The following SIN3B variants were observed in gnomAD, a reference collection of about 807,000 sequenced individuals.
The protein encoded by SIN3B is paired amphipathic helix protein Sin3b.
In SIN3B, 19 loss-of-function variants were observed where a neutral mutation model predicts 120.2. The ratio of observed to expected loss-of-function variants is 0.16; its 90% CI spans 0.11 to 0.23. The LOEUF is 0.23. Ranked by LOEUF, SIN3B falls within the 10% of genes least tolerant of loss-of-function variation. The pLI is 1.00. For synonymous variants in SIN3B, 654 were observed against 653.2 expected, an observed-to-expected ratio of 1.00 and a Z score of -0.02; for missense variants, 1,073 against 1,573.0, an observed-to-expected ratio of 0.68 and a Z score of 5.38.
chr19:16,861,491 G>C (rs1308018435), intron 8 of SIN3B, among the ~76,000 whole-genome samples: 1 of 152,146 alleles, frequency 6.6e-6, no homozygotes, highest in Non-Finnish European at 1.5e-5. Flanking sequence ...GGCCCTGCAT[G>C]GTGGCTCACA....
At chr19:16,849,063 C>G (rs1971513413) in intron 5 of SIN3B, among the ~76,000 whole-genome samples, 1 of 152,166 alleles carries the variant, frequency 6.6e-6, no homozygotes, top group Non-Finnish European at 1.5e-5. Context: ...TTTATTAGAG[C>G]TATCTTGTAT....
chr19:16,863,648 A>G (rs746855389), intron 9 of SIN3B, 32 bp from the exon 10 acceptor site: 20 of 1,401,904 alleles, frequency 1.4e-5, no homozygotes, highest in African/African-American at 2.8e-5. Context: ...TGGGGCATGC[A>G]GCGTCATTCA....
chr19:16,863,829 A>G, intron 10 of SIN3B, 33 bp downstream of exon 10: 1 of 1,490,062 alleles, frequency 6.7e-7, no homozygotes, highest in Non-Finnish European at 9.4e-7. Context: ...GTCCCCCGGC[A>G]TGTGCCTGTT....
intron 5 of SIN3B, among the ~76,000 whole-genome samples, chr19:16,847,725 A>G (rs894081193): frequency 3.3e-5 from 5 of 152,164 alleles, no homozygotes; most frequent in African/African-American, 7.2e-5. Context: ...TTCCCCCACT[A>G]TGATCATAAG....
intron 4 of SIN3B, among the ~76,000 whole-genome samples, chr19:16,844,734 A>G (rs1035372931): frequency 6.6e-6 from 1 of 152,264 alleles, no homozygotes; most frequent in African/African-American, 2.4e-5. Flanking sequence ...CGTTACGCGC[A>G]TATTAAGTGG....
chr19:16,848,199 T>C (rs1416360437), intron 5 of SIN3B, among the ~76,000 whole-genome samples: 2 of 152,242 alleles, frequency 1.3e-5, no homozygotes, highest in Non-Finnish European at 2.9e-5. Context: ...TTGTGAACAG[T>C]GCCGCCATCA....
At chr19:16,829,672 CCTCACCT>C (rs1158577732) in intron 1 of SIN3B, 112 bp from the exon 2 acceptor site, 103 of 1,260,398 alleles carry the variant, frequency 8.2e-5, no homozygotes, top group Non-Finnish European at 1.1e-4. Context: ...ACCCCTCACC[CCTCACCT>C]CTCACCTCGG....
intron 1 of SIN3B, 23 bp downstream of exon 1, chr19:16,829,563 C>A: frequency 8.0e-7 from 1 of 1,245,050 alleles, no homozygotes; most frequent in South Asian, 3.4e-5. Context: ...CCCGCCCTCC[C>A]TCGGGGAACC....
intron 3 of SIN3B, among the ~76,000 whole-genome samples, chr19:16,838,686 T>C (rs1414343121): frequency 6.6e-6 from 1 of 152,170 alleles, no homozygotes; most frequent in Non-Finnish European, 1.5e-5. Context: ...TTTCTTTTTT[T>C]TTCGAGACAG....
At chr19:16,830,570 C>T (rs967753040) in intron 2 of SIN3B, among the ~76,000 whole-genome samples, 18 of 152,242 alleles carry the variant, frequency 1.2e-4, no homozygotes, top group African/African-American at 4.1e-4. Flanking sequence ...GAACTCAGAC[C>T]CTCTGACTCA....
chr19:16,838,913 CCG>C (rs1971381746), intron 3 of SIN3B, among the ~76,000 whole-genome samples: 1 of 148,960 alleles, frequency 6.7e-6, no homozygotes, highest in Non-Finnish European at 1.5e-5. Context: ...ACCTCGTGAT[CCG>C]CCATCCTTGG....
At position 16,841,965 on chromosome 19, in the gene SIN3B, C is replaced by T. The variant is rs1278551161; in HGVS notation, c.579C>T (p.Tyr193=). The change falls in exon 4 of 19, where the codon TAC becomes TAT. Residue 193 remains tyrosine, a synonymous_variant. Coordinates refer to ENST00000248054, the MANE Select transcript of SIN3B (RefSeq NM_001297595.2). The part of the protein sequence containing the change: ...YRSFLEILHT[Y]QKEQLNTRGR... ...CATTCCTGGAGATCCTGCACACGTACCAGGTAAGAACTCAGATTACAATTC... is the reference window on the plus strand; with the variant it reads ...CATTCCTGGAGATCCTGCACACGTATCAGGTAAGAACTCAGATTACAATTC... The T allele has an allele frequency of 1.2e-6, 2 of 1,612,696 alleles. No homozygotes were observed. Among genetic ancestry groups the T allele is most frequent in the Non-Finnish European group, 8.5e-7 (1 of 1,178,926 alleles).
At chr19:16,835,992 T>TC (rs1568412114) in intron 3 of SIN3B, among the ~76,000 whole-genome samples, 21 of 152,214 alleles carry the variant, frequency 1.4e-4, no homozygotes, top group South Asian at 6.2e-4. Flanking sequence ...AAGTATCTTT[T>TC]TCCCCCCCCA....
intron 3 of SIN3B, among the ~76,000 whole-genome samples, chr19:16,837,271 C>T (rs1423259814): frequency 2.0e-5 from 3 of 152,032 alleles, no homozygotes; most frequent in African/African-American, 7.2e-5. Flanking sequence ...GGAGGCGGTT[C>T]TGCTGCTGTG....
At position 16,851,462 on chromosome 19, in the gene SIN3B, C is replaced by G; in HGVS notation, c.777C>G (p.His259Gln). Residue 259 changes from histidine to glutamine, a missense_variant, in exon 6 of 19, where the codon CAC becomes CAG. His to Gln is a conservative substitution (Grantham distance 24). This residue lies in a region of SIN3B where 395 missense variants were observed against 528.0 expected (regional missense o/e 0.75). Transcript: ENST00000248054. ...TGCACAGCGTGCAGAAGAACGAGCA[C>G]GACAAGACCCCGGAGCACAGCAGGA... is the stretch of plus-strand genomic sequence containing the variant. ...CEMHSVQKNEHDKTPEHSRKR... is the reference protein window; with the variant it reads ...CEMHSVQKNEQDKTPEHSRKR... 1.9e-6 allele frequency: 3 copies of G among 1,610,244 alleles called. No homozygotes were observed. The highest frequency in any genetic ancestry group is 2.5e-6 in the Non-Finnish European group (3 of 1,178,524).
chr19:16,863,526 C>A, intron 9 of SIN3B, 154 bp from the exon 10 acceptor site: 1 of 641,758 alleles, frequency 1.6e-6, no homozygotes, highest in Non-Finnish European at 2.8e-6. Context: ...CATGTTTTTC[C>A]TTAAAAACTT....
At chr19:16,853,038 A>C in intron 6 of SIN3B, 31 bp from the exon 7 acceptor site, 1 of 1,582,408 alleles carries the variant, frequency 6.3e-7, no homozygotes, top group Non-Finnish European at 8.7e-7. Flanking sequence ...TGGGAGGCAC[A>C]GTGTTAACTG....
chr19:16,843,484 T>C (rs1024795313), intron 4 of SIN3B, among the ~76,000 whole-genome samples: 7 of 152,032 alleles, frequency 4.6e-5, no homozygotes, highest in African/African-American at 1.7e-4. Flanking sequence ...CATGGATGAG[T>C]GGTTGCCAGT....
rs1393026755 is a variant in SIN3B, at chr19:16,862,126, G to A, written c.1059-226G>A. ...AGTATGGGATTAATAGGCACAGGAAGGGACCTGGTGTGTGACAGATGGGTG... is the reference window on the plus strand; with the variant it reads ...AGTATGGGATTAATAGGCACAGGAAAGGACCTGGTGTGTGACAGATGGGTG... On this transcript the variant is annotated intron_variant, in intron 8 of 18. Transcript: ENST00000248054. This position sits in a 1 kb window ranked among gnomAD's most constrained non-coding sequence, Gnocchi z 4.7. Among the ~76,000 whole-genome samples the A allele has an allele frequency of 6.6e-6, 1 of 152,184 alleles. No individual in the cohort carries two copies. The highest frequency in any genetic ancestry group is 1.9e-4 in the East Asian group (1 of 5,186).
Sources: gnomAD v4.1 joint callset for allele counts (sites outside exome capture counted in the v4.1 genomes callset) on GRCh38, gnomAD v4.1.1 for gene constraint, gnomAD v4.1.1 regional missense constraint, Gnocchi (gnomAD v3.1) non-coding constraint, MANE v1.5 for transcripts, NCBI Gene and HGNC (gene_info 2026-07-23, HGNC 2026-07-21) for gene names.